Variants in DCC observed in about 807,000 individuals in gnomAD.
DCC encodes netrin receptor DCC.
In DCC, 58 loss-of-function variants were observed where a neutral mutation model predicts 172.5. The observed-to-expected ratio is 0.34, with a 90% CI of 0.27 to 0.42. The LOEUF (loss-of-function observed/expected upper bound fraction) is 0.42. Among genes scored for constraint, DCC ranks in the 10% least tolerant of loss-of-function variants. The probability of loss-of-function intolerance (pLI) is 1.00; values close to 1 mark genes in which losing one functional copy is unlikely to be tolerated. For synonymous variants in DCC, 709 were observed against 644.5 expected (o/e 1.10, Z -1.52); for missense variants, 1,740 against 1,791.0 (o/e 0.97, Z 0.51).
At chr18:53,181,672 G>A (rs2144488074) in intron 9 of DCC, among the ~76,000 whole-genome samples, 1 of 152,190 alleles carries the variant, frequency 6.6e-6, no homozygotes, top group Non-Finnish European at 1.5e-5. Context: ...CATTTATTAT[G>A]TTCCTAACAC....
intron 3 of DCC, among the ~76,000 whole-genome samples, chr18:52,921,621 C>T (rs1457070009): frequency 1.3e-5 from 2 of 151,686 alleles, no homozygotes; most frequent in Admixed American, 6.6e-5. Context: ...ATCCGTTGAA[C>T]CCAGGAGGTG....
At chr18:52,381,344 AG>A (rs1985576312) in intron 1 of DCC, among the ~76,000 whole-genome samples, 1 of 152,140 alleles carries the variant, frequency 6.6e-6, no homozygotes, top group Non-Finnish European at 1.5e-5. Context: ...TTAGCATCTA[AG>A]GGTGGAATCT....
Position 52,702,042 on chromosome 18 carries a change from G to T in DCC, c.92-50012G>T, listed in dbSNP as rs182093764. On this transcript the variant is annotated intron_variant, in intron 1 of 28. Coordinates refer to ENST00000442544, the MANE Select transcript of DCC (RefSeq NM_005215.4). Reference sequence around the variant, plus strand: ...ATTCTGTATGGTATATAAGCCCTGGGGGGTAATGGCACAGGGATCCACCAT... The same window carrying T: ...ATTCTGTATGGTATATAAGCCCTGGTGGGTAATGGCACAGGGATCCACCAT... 8.5e-5 allele frequency among the ~76,000 whole-genome samples: 13 copies of T among 152,256 alleles called. No homozygotes were observed. In the East Asian group the frequency reaches 2.5e-3, roughly 29 times the overall value.
intron 1 of DCC, among the ~76,000 whole-genome samples, chr18:52,501,208 T>C (rs1027610155): frequency 2.0e-5 from 3 of 152,166 alleles, no homozygotes; most frequent in African/African-American, 7.2e-5. Flanking sequence ...GCTGCTGAAA[T>C]GATAAGCAAC....
At chr18:53,087,886 C>G (rs2042938966) in intron 7 of DCC, among the ~76,000 whole-genome samples, 1 of 151,598 alleles carries the variant, frequency 6.6e-6, no homozygotes, top group Non-Finnish European at 1.5e-5. Context: ...TTGTTTTTCT[C>G]AGGTTTGTCA....
At chr18:53,368,394 A>C (rs1437497318) in intron 15 of DCC, among the ~76,000 whole-genome samples, 2 of 152,006 alleles carry the variant, frequency 1.3e-5, no homozygotes. Flanking sequence ...TTATCTTTTT[A>C]CTTTGTTGGT....
chr18:52,922,187 A>G (rs1049899554), intron 3 of DCC, among the ~76,000 whole-genome samples: 1 of 152,152 alleles, frequency 6.6e-6, no homozygotes, highest in Admixed American at 6.6e-5. Context: ...TGTGAAGAGT[A>G]TTTATTTTTG....
At chr18:52,870,255 TA>T (rs2039298304) in intron 2 of DCC, among the ~76,000 whole-genome samples, 1 of 151,918 alleles carries the variant, frequency 6.6e-6, no homozygotes, top group African/African-American at 2.4e-5. Flanking sequence ...CCAGGCCTGG[TA>T]GCAGGTCCCG....
At chr18:53,300,526 C>T (rs1392981891) in intron 12 of DCC, among the ~76,000 whole-genome samples, 1 of 152,106 alleles carries the variant, frequency 6.6e-6, no homozygotes, top group South Asian at 2.1e-4. Context: ...TTATTTCTCG[C>T]ATTAAAGTTC....
At chr18:53,284,881 C>G (rs1275843607) in intron 12 of DCC, among the ~76,000 whole-genome samples, 1 of 152,122 alleles carries the variant, frequency 6.6e-6, no homozygotes. Context: ...GGAACTGGAT[C>G]AAAGGTGACT....
chr18:53,404,261 G>T (rs1452651119), intron 19 of DCC, among the ~76,000 whole-genome samples: 1 of 151,582 alleles, frequency 6.6e-6, no homozygotes. Flanking sequence ...GATAGAAAAA[G>T]ATGTTTTTGG....
At chr18:52,704,863 T>C (rs1183632774) in intron 1 of DCC, among the ~76,000 whole-genome samples, 3 of 152,218 alleles carry the variant, frequency 2.0e-5, no homozygotes, top group Non-Finnish European at 2.9e-5. Flanking sequence ...CCTTTTCATT[T>C]AGCCTCCCTT....
At chr18:52,422,075 T>C (rs776527880) in intron 1 of DCC, among the ~76,000 whole-genome samples, 15 of 152,150 alleles carry the variant, frequency 9.9e-5, no homozygotes, top group Non-Finnish European at 2.1e-4. Context: ...AATGAGAAAA[T>C]ATTTGCCAAC....
chr18:53,173,591 C>T (rs2055045914), intron 8 of DCC, among the ~76,000 whole-genome samples: 1 of 152,110 alleles, frequency 6.6e-6, no homozygotes, highest in Non-Finnish European at 1.5e-5. Flanking sequence ...AAGGTCATTA[C>T]ATAATGGTAA....
chr18:52,455,740 T>C (rs1988437813), intron 1 of DCC, among the ~76,000 whole-genome samples: 1 of 152,182 alleles, frequency 6.6e-6, no homozygotes, highest in African/African-American at 2.4e-5. Context: ...TTATTATTAT[T>C]CCATAGAGTT....
chr18:52,399,502 C>A (rs1483588333), intron 1 of DCC, among the ~76,000 whole-genome samples: 1 of 151,930 alleles, frequency 6.6e-6, no homozygotes, highest in Non-Finnish European at 1.5e-5. Flanking sequence ...TCTCCTTATT[C>A]TTCATCCTAC....
chr18:53,489,711 A>G (rs1438966210), intron 26 of DCC, among the ~76,000 whole-genome samples: 2 of 152,228 alleles, frequency 1.3e-5, no homozygotes, highest in African/African-American at 4.8e-5. Context: ...GAAGGCACAA[A>G]TAAAGCTGAA....
chr18:53,251,675 G>A (rs558454459), intron 12 of DCC, among the ~76,000 whole-genome samples: 1 of 151,952 alleles, frequency 6.6e-6, no homozygotes, highest in African/African-American at 2.4e-5. Context: ...GTGTGTGAGT[G>A]TGTGTGTGCA....
chr18:52,794,947 G>A (rs556973197), intron 2 of DCC, among the ~76,000 whole-genome samples: 3 of 151,978 alleles, frequency 2.0e-5, no homozygotes, highest in African/African-American at 4.8e-5. Flanking sequence ...TTATGTACAT[G>A]GAACCATCCT....
Sources: allele counts gnomAD v4.1 joint callset (sites outside exome capture counted in the v4.1 genomes callset), GRCh38; gene constraint gnomAD v4.1.1; transcripts MANE v1.5; gene names NCBI Gene and HGNC (gene_info 2026-07-23, HGNC 2026-07-21).